Variants in SEMA6D observed in about 807,000 individuals in gnomAD.
SEMA6D encodes the protein semaphorin-6D.
SEMA6D carries 35 observed loss-of-function variants against 106.6 expected under a neutral mutation model. That is an observed-to-expected ratio of 0.33 (90% confidence interval 0.25 to 0.44). The LOEUF is 0.44. Ranked by LOEUF, SEMA6D falls within the 20% of genes least tolerant of loss-of-function variation. The probability of loss-of-function intolerance (pLI) is 1.00; values close to 1 mark genes in which losing one functional copy is unlikely to be tolerated. For synonymous variants in SEMA6D, 499 were observed against 487.7 expected (o/e 1.02, Z -0.31); for missense variants, 1,185 against 1,345.9 (o/e 0.88, Z 1.87).
chr15:47,478,420 A>G (rs1353857028), intron 3 of SEMA6D, among the ~76,000 whole-genome samples: 1 of 152,244 alleles, frequency 6.6e-6, no homozygotes, highest in African/African-American at 2.4e-5. Flanking sequence ...GAAAGTGTCA[A>G]CAAAGGGCAA....
At chr15:47,479,684 G>T (rs1665699491) in intron 3 of SEMA6D, among the ~76,000 whole-genome samples, 1 of 151,906 alleles carries the variant, frequency 6.6e-6, no homozygotes, top group South Asian at 2.1e-4. Context: ...ATAATGGAGT[G>T]ATTATAATAT....
At chr15:47,735,128 C>G (rs548853440) in intron 1 of SEMA6D, among the ~76,000 whole-genome samples, 33 of 152,162 alleles carry the variant, frequency 2.2e-4, no homozygotes, top group Non-Finnish European at 4.1e-4. Context: ...TTCTGATTTT[C>G]AGCCCAAGAA....
At chr15:47,288,940 T>G (rs1036097356) in intron 1 of SEMA6D, among the ~76,000 whole-genome samples, 1 of 152,168 alleles carries the variant, frequency 6.6e-6, no homozygotes, top group African/African-American at 2.4e-5. Context: ...TCCCATTTAC[T>G]TTTCCTGTTT....
At chr15:47,584,455 T>G (rs550292513) in intron 3 of SEMA6D, among the ~76,000 whole-genome samples, 4 of 151,184 alleles carry the variant, frequency 2.6e-5, no homozygotes, top group African/African-American at 9.7e-5. Flanking sequence ...AGTGAATGAA[T>G]GCAAATTGAA....
chr15:47,299,537 A>T (rs2035937224), intron 1 of SEMA6D, among the ~76,000 whole-genome samples: 1 of 152,236 alleles, frequency 6.6e-6, no homozygotes. Flanking sequence ...GGACTGCAGG[A>T]GGGCTTTCAG....
At chr15:47,265,332 G>C (rs767176200) in intron 1 of SEMA6D, among the ~76,000 whole-genome samples, 5 of 151,466 alleles carry the variant, frequency 3.3e-5, no homozygotes, top group Non-Finnish European at 7.4e-5. Flanking sequence ...TCTTGAGTCA[G>C]TTTTGGGAGT....
intron 3 of SEMA6D, among the ~76,000 whole-genome samples, chr15:47,581,601 G>A (rs1030859947): frequency 6.6e-6 from 1 of 152,146 alleles, no homozygotes; most frequent in African/African-American, 2.4e-5. Context: ...ATTTGTGGGG[G>A]TAAGGGACGC....
intron 4 of SEMA6D, among the ~76,000 whole-genome samples, chr15:47,621,590 T>C (rs942871957): frequency 2.1e-4 from 32 of 152,220 alleles, no homozygotes; most frequent in African/African-American, 7.5e-4. Context: ...CACTTTCACC[T>C]GCAGCTCTTG....
chr15:47,417,643 A>T (rs564782693), intron 2 of SEMA6D, among the ~76,000 whole-genome samples: 1 of 152,122 alleles, frequency 6.6e-6, no homozygotes, highest in South Asian at 2.1e-4. Flanking sequence ...TTTTTCAATG[A>T]GCTGTAGTGC....
intron 2 of SEMA6D, among the ~76,000 whole-genome samples, chr15:47,413,135 C>A (rs988150830): frequency 6.6e-6 from 1 of 152,156 alleles, no homozygotes; most frequent in African/African-American, 2.4e-5. Flanking sequence ...TGTGTATTTA[C>A]ATATATGTGT....
intron 1 of SEMA6D, among the ~76,000 whole-genome samples, chr15:47,718,262 GC>G (rs897238600): frequency 6.6e-6 from 1 of 152,176 alleles, no homozygotes; most frequent in African/African-American, 2.4e-5. Flanking sequence ...ACGCTGGGAC[GC>G]CCGGGGTCTG....
At chr15:47,767,221 C>G in intron 17 of SEMA6D, 128 bp downstream of exon 17, 1 of 588,054 alleles carries the variant, frequency 1.7e-6, no homozygotes, top group Middle Eastern at 2.7e-4. Context: ...CTCATATTCC[C>G]ACTGATGGTA....
chr15:47,537,771 C>T (rs1436036149), intron 3 of SEMA6D, among the ~76,000 whole-genome samples: 1 of 152,036 alleles, frequency 6.6e-6, no homozygotes, highest in Non-Finnish European at 1.5e-5. Context: ...GGATAAATGA[C>T]GTGTGTCTCA....
At chr15:47,705,805 G>A (rs1043833221) in intron 4 of SEMA6D, among the ~76,000 whole-genome samples, 10 of 152,176 alleles carry the variant, frequency 6.6e-5, no homozygotes, top group African/African-American at 2.2e-4. Flanking sequence ...GCTGCACTAC[G>A]AAGCATTTTG....
intron 2 of SEMA6D, among the ~76,000 whole-genome samples, chr15:47,423,276 G>A (rs1209566997): frequency 6.6e-6 from 1 of 151,818 alleles, no homozygotes; most frequent in Non-Finnish European, 1.5e-5. Flanking sequence ...AAGTGTATTT[G>A]AGAAACTATA....
chr15:47,551,685 G>GTGTGTGTGTGTC (rs1472176437), intron 3 of SEMA6D, among the ~76,000 whole-genome samples: 2 of 151,674 alleles, frequency 1.3e-5, no homozygotes, highest in East Asian at 1.9e-4. Flanking sequence ...GTGTGTGTGT[G>GTGTGTGTGTGTC]TGTGTGTGTG....
chr15:47,731,031 C>A, intron 1 of SEMA6D: 1 of 592,368 alleles, frequency 1.7e-6, no homozygotes. Flanking sequence ...TAATCTACTT[C>A]ATGAATGTGC....
At chr15:47,419,032 A>G (rs374924046) in intron 2 of SEMA6D, among the ~76,000 whole-genome samples, 1 of 152,178 alleles carries the variant, frequency 6.6e-6, no homozygotes, top group African/African-American at 2.4e-5. Context: ...ATGATCCTCT[A>G]TGGAATTTAA....
intron 1 of SEMA6D, among the ~76,000 whole-genome samples, chr15:47,337,446 G>C (rs2037612945): frequency 1.3e-5 from 2 of 152,174 alleles, no homozygotes. Context: ...GTCTTGACAG[G>C]AATAGGCACT....
Sources: gnomAD v4.1 joint callset for allele counts (sites outside exome capture counted in the v4.1 genomes callset) on GRCh38, gnomAD v4.1.1 for gene constraint, MANE v1.5 for transcripts, NCBI Gene and HGNC (gene_info 2026-07-23, HGNC 2026-07-21) for gene names.